The following NDST4 variants were observed in gnomAD, a reference collection of about 807,000 sequenced individuals.
NDST4 encodes N-deacetylase and N-sulfotransferase 4, also known as N-heparan sulfate sulfotransferase 4.
In NDST4, 63 loss-of-function variants were observed where a neutral mutation model predicts 100.8. The ratio of observed to expected loss-of-function variants is 0.62; its 90% CI spans 0.51 to 0.77. The LOEUF is 0.77. Ranked by LOEUF, NDST4 falls within the 30% of genes least tolerant of loss-of-function variation. NDST4 has a pLI of 0.00. For missense variants in NDST4, 943 were observed against 1,018.4 expected, an observed-to-expected ratio of 0.93 and a Z score of 1.01; for synonymous variants, 377 against 361.8, an observed-to-expected ratio of 1.04 and a Z score of -0.48.
intron 4 of NDST4, among the ~76,000 whole-genome samples, chr4:114,967,994 T>G (rs1726422370): frequency 6.6e-6 from 1 of 152,120 alleles, no homozygotes; most frequent in African/African-American, 2.4e-5. Flanking sequence ...ACATAGAGAA[T>G]CTAAGTCATT....
rs761711538 is a variant in NDST4, at chr4:115,042,533, T to C, written c.978+33526A>G. Among the ~76,000 whole-genome samples the C allele has an allele frequency of 2.0e-5, 3 of 152,144 alleles. No homozygotes were observed. The East Asian group carries it at 5.8e-4, about 29-fold the overall frequency. On this transcript the variant is annotated intron_variant, in intron 2 of 13. Transcript: ENST00000264363. The stretch of plus-strand genomic sequence containing the variant: ...ATAACTTATATTACAGTATATTTTA[T>C]AATTGTTCTATTTTATTATCTGTTA...
chr4:114,829,939 C>T (rs1427493595), intron 12 of NDST4, 47 bp from the exon 13 acceptor site: 2 of 1,311,906 alleles, frequency 1.5e-6, no homozygotes. Flanking sequence ...GCAGAATTTT[C>T]AGTGAGACAG....
chr4:114,883,116 G>A (rs1186645131), intron 6 of NDST4, among the ~76,000 whole-genome samples: 1 of 151,736 alleles, frequency 6.6e-6, no homozygotes, highest in East Asian at 1.9e-4. Flanking sequence ...TTTAGGCAGA[G>A]AAAAATGATA....
At chr4:115,036,027 T>C (rs529428560) in intron 2 of NDST4, among the ~76,000 whole-genome samples, 75 of 152,124 alleles carry the variant, frequency 4.9e-4, no homozygotes, top group Non-Finnish European at 9.3e-4. Context: ...TACTTATCTT[T>C]GGAAATAAAA....
intron 6 of NDST4, among the ~76,000 whole-genome samples, chr4:114,902,501 T>A (rs1197820646): frequency 2.6e-5 from 4 of 152,192 alleles, no homozygotes; most frequent in African/African-American, 4.8e-5. Context: ...CAGAATTTTT[T>A]AAATTTTGTT....
intron 6 of NDST4, among the ~76,000 whole-genome samples, chr4:114,900,840 GTTC>G (rs2126210032): frequency 6.6e-6 from 1 of 152,098 alleles, no homozygotes; most frequent in South Asian, 2.1e-4. Context: ...GACAAGCTGT[GTTC>G]TCATTTTCTT....
At chr4:115,064,463 G>A (rs556660936) in intron 2 of NDST4, among the ~76,000 whole-genome samples, 4 of 152,084 alleles carry the variant, frequency 2.6e-5, no homozygotes, top group African/African-American at 7.2e-5. Context: ...TCACAGTGAT[G>A]GTAGGAGGCA....
intron 1 of NDST4, among the ~76,000 whole-genome samples, chr4:115,105,090 G>A (rs1037550107): frequency 9.2e-5 from 14 of 152,134 alleles, no homozygotes; most frequent in Admixed American, 2.0e-4. Context: ...GCAAGGCTTG[G>A]AATCCTGATC....
At position 115,029,457 on chromosome 4, in the gene NDST4, C is replaced by T. The variant is rs111656324; in HGVS notation, c.978+46602G>A. On this transcript the variant is annotated intron_variant, in intron 2 of 13. Coordinates refer to ENST00000264363, the MANE Select transcript of NDST4 (RefSeq NM_022569.3). ...TGACTAAGTAAGTCTAGATTGGAAC[C>T]AGAAAAAAGTTTCTTGTCCTCTCAG... Among the ~76,000 whole-genome samples, 1,195 of 152,152 alleles carry T rather than the reference C, an allele frequency of 7.9e-3. 23 individuals are homozygous for T. Among genetic ancestry groups the T allele is most frequent in the African/African-American group, 0.027 (1,117 of 41,534 alleles).
intron 6 of NDST4, among the ~76,000 whole-genome samples, chr4:114,899,585 C>T (rs564815628): frequency 3.2e-4 from 49 of 151,716 alleles, no homozygotes; most frequent in Non-Finnish European, 6.0e-4. Context: ...CTTTTATTTA[C>T]GTCTACTAAT....
At chr4:114,960,664 T>C (rs1726242942) in intron 4 of NDST4, among the ~76,000 whole-genome samples, 1 of 152,132 alleles carries the variant, frequency 6.6e-6, no homozygotes, top group Non-Finnish European at 1.5e-5. Flanking sequence ...AAAGCAATGA[T>C]AGAAAATAAT....
chr4:115,060,693 T>C (rs1416911340), intron 2 of NDST4, among the ~76,000 whole-genome samples: 2 of 151,982 alleles, frequency 1.3e-5, no homozygotes, highest in African/African-American at 2.4e-5. Context: ...TATGTAATAA[T>C]GATACCTTTT....
intron 7 of NDST4, among the ~76,000 whole-genome samples, chr4:114,868,273 A>G (rs1163422357): frequency 1.3e-5 from 2 of 152,128 alleles, no homozygotes; most frequent in Non-Finnish European, 2.9e-5. Context: ...ACTCTCTAGC[A>G]TTGTGATGAA....
intron 2 of NDST4, among the ~76,000 whole-genome samples, chr4:115,059,633 CT>C (rs1442792397): frequency 6.6e-6 from 1 of 151,996 alleles, no homozygotes; most frequent in African/African-American, 2.4e-5. Flanking sequence ...TACAGACCAT[CT>C]ATCTTTTAAC....
chr4:115,045,596 T>C (rs1291725756), intron 2 of NDST4, among the ~76,000 whole-genome samples: 5 of 152,250 alleles, frequency 3.3e-5, no homozygotes, highest in South Asian at 4.1e-4. Flanking sequence ...CTCCCAGCAG[T>C]AGACTGATAT....
intron 2 of NDST4, among the ~76,000 whole-genome samples, chr4:115,061,393 G>T (rs917591128): frequency 3.3e-5 from 5 of 151,980 alleles, no homozygotes; most frequent in African/African-American, 1.2e-4. Context: ...TCAGTGATAG[G>T]CTGGATAAAG....
intron 6 of NDST4, among the ~76,000 whole-genome samples, chr4:114,921,152 T>G (rs1462348371): frequency 6.6e-6 from 1 of 152,014 alleles, no homozygotes; most frequent in African/African-American, 2.4e-5. Context: ...CACTAGCAAC[T>G]GAAACAAAAA....
intron 2 of NDST4, among the ~76,000 whole-genome samples, chr4:114,988,475 C>T (rs1726963010): frequency 6.7e-6 from 1 of 149,414 alleles, no homozygotes; most frequent in African/African-American, 2.5e-5. Flanking sequence ...CATCCTCCTG[C>T]CTCAGCCTCC....
At chr4:115,095,282 T>C (rs1173705164) in intron 1 of NDST4, among the ~76,000 whole-genome samples, 2 of 152,154 alleles carry the variant, frequency 1.3e-5, no homozygotes, top group African/African-American at 4.8e-5. Context: ...TGCTATTCCC[T>C]ACCCTCTCTT....
Sources: gnomAD v4.1 joint callset for allele counts (sites outside exome capture counted in the v4.1 genomes callset) on GRCh38, gnomAD v4.1.1 for gene constraint, MANE v1.5 for transcripts, NCBI Gene and HGNC (gene_info 2026-07-23, HGNC 2026-07-21) for gene names.